Variants in PLCG1 observed in about 807,000 individuals in gnomAD.
PLCG1 encodes the protein phospholipase C gamma 1.
A neutral mutation model predicts 177.8 loss-of-function variants in PLCG1; 71 were observed. The observed-to-expected ratio is 0.40, with a 90% CI of 0.33 to 0.49. The LOEUF is 0.49. Ranked by LOEUF, PLCG1 falls within the 20% of genes least tolerant of loss-of-function variation. The pLI, the probability that PLCG1 is intolerant of heterozygous loss-of-function variation, is 0.72. For missense variants in PLCG1, 1,281 were observed against 1,709.0 expected, an observed-to-expected ratio of 0.75 and a Z score of 4.42; for synonymous variants, 658 against 647.9, an observed-to-expected ratio of 1.02 and a Z score of -0.24.
At position 41,164,692 on chromosome 20, in the gene PLCG1, C is replaced by T. The variant is rs1393710713; in HGVS notation, c.1218-241C>T. 6.6e-6 allele frequency among the ~76,000 whole-genome samples: 1 copy of T among 152,194 alleles called. No individual in the cohort carries two copies. The highest frequency in any genetic ancestry group is 2.4e-5 in the African/African-American group (1 of 41,456). ...GAAACATTTTTCTTGCACTGCTGAG[C>T]AGCCTCCATAATTGGGCCAGCTCGG... On this transcript the variant is annotated intron_variant, in intron 12 of 31. Coordinates refer to ENST00000685551, the MANE Select transcript of PLCG1 (RefSeq NM_002660.3). The surrounding 1 kb of genome is among the most constrained non-coding windows in gnomAD (Gnocchi z 6.4).
Position 41,163,558 on chromosome 20 carries a change from AGAC to A in PLCG1, c.891+81_891+83del. On this transcript the variant is annotated intron_variant, in intron 9 of 31. Coordinates refer to ENST00000685551, the MANE Select transcript of PLCG1 (RefSeq NM_002660.3). This position sits in a 1 kb window ranked among gnomAD's most constrained non-coding sequence, Gnocchi z 5.2. ...GGACCCCACCCGGGCTCCAGGAGCT[AGAC>A]GCTCCTTAGGGATGCCACCTTGTTT... The A allele has an allele frequency of 1.7e-6, 2 of 1,159,024 alleles. No homozygotes were observed. Among genetic ancestry groups the A allele is most frequent in the Non-Finnish European group, 2.6e-6 (2 of 771,188 alleles). 71.8% of individuals were successfully genotyped at this position (1,159,024 alleles called of 1,614,324 possible).
At position 41,172,280 on chromosome 20, in the gene PLCG1, G is replaced by A; in HGVS notation, c.2896G>A (p.Asp966Asn). 1 of 1,613,346 alleles carries A rather than the reference G, an allele frequency of 6.2e-7. No homozygotes were observed. Among genetic ancestry groups the A allele is most frequent in the Non-Finnish European group, 8.5e-7 (1 of 1,179,248 alleles). ...LVVYCRPVPF[D>N]EEKIGTERAC... is the part of the protein sequence containing the mutation. ...CGTCTACTGCCGGCCTGTTCCCTTT[G>A]ATGAAGAGAGTAAGGGCCAGGGCCC... The change falls in exon 25 of 32, where the codon GAT (aspartate) becomes AAT (asparagine). Residue 966 changes from aspartate to asparagine, a missense_variant. Physicochemically the swap from Asp to Asn is conservative, Grantham distance 23. Coordinates refer to ENST00000685551, the MANE Select transcript of PLCG1 (RefSeq NM_002660.3). The surrounding 1 kb of genome is among the most constrained non-coding windows in gnomAD (Gnocchi z 7.0).
At chr20:41,141,027 C>T (rs979992268) in intron 1 of PLCG1, among the ~76,000 whole-genome samples, 1 of 152,178 alleles carries the variant, frequency 6.6e-6, no homozygotes, top group Non-Finnish European at 1.5e-5. Flanking sequence ...GGGCAAAGAC[C>T]ACTTTGGCTT....
Position 41,165,017 on chromosome 20 carries a change from G to C in PLCG1, c.1302G>C (p.Gly434=). The part of the protein sequence containing the change: ...NMAQYFKKVL[G]DTLLTKPVEI... ...CCCAATACTTCAAGAAGGTGCTGGGGGACACACTCCTCACCAAGCCCGTGG... is the reference window on the plus strand; with the variant it reads ...CCCAATACTTCAAGAAGGTGCTGGGCGACACACTCCTCACCAAGCCCGTGG... Residue 434 remains glycine, a synonymous_variant, in exon 13 of 32, where the codon GGG becomes GGC. Transcript: ENST00000685551. This position sits in a 1 kb window ranked among gnomAD's most constrained non-coding sequence, Gnocchi z 6.6. The C allele has an allele frequency of 6.2e-7, 1 of 1,614,160 alleles. No individual in the cohort carries two copies. The highest frequency in any genetic ancestry group is 8.5e-7 in the Non-Finnish European group (1 of 1,180,018).
chr20:41,172,143 C>T lies in PLCG1; in HGVS notation c.2809-50C>T, dbSNP rs757524322. Reference sequence around the variant, plus strand: ...CCAAGGTTGGCAGGGGCTTCCTTCTCCTGGGCAGGGCTGTAGCCTGGGGCT... The same window carrying T: ...CCAAGGTTGGCAGGGGCTTCCTTCTTCTGGGCAGGGCTGTAGCCTGGGGCT... On this transcript the variant is annotated intron_variant, in intron 24 of 31. Transcript: ENST00000685551. This position sits in a 1 kb window ranked among gnomAD's most constrained non-coding sequence, Gnocchi z 7.0. The T allele has an allele frequency of 6.8e-7, 1 of 1,478,514 alleles. No homozygotes were observed. Among genetic ancestry groups the T allele is most frequent in the Non-Finnish European group, 9.5e-7 (1 of 1,056,320 alleles). The allele number at this position is 1,478,514 out of a possible 1,614,324, so 91.6% of individuals were successfully genotyped here.
chr20:41,170,518 T>G, intron 24 of PLCG1: 1 of 477,344 alleles, frequency 2.1e-6, no homozygotes, highest in Non-Finnish European at 3.8e-6. Flanking sequence ...AGTGGGCAAT[T>G]GGATACACAA....
Position 41,146,443 on chromosome 20 carries a change from A to G in PLCG1, c.217+8585A>G, listed in dbSNP as rs2034997657. The stretch of plus-strand genomic sequence containing the variant: ...CTGGCACACAGGTGTTGGGTAAAGC[A>G]TCTGTACAAAGGCTGTGAGGGGCCT... On this transcript the variant is annotated intron_variant, in intron 1 of 31. Coordinates refer to ENST00000685551, the MANE Select transcript of PLCG1 (RefSeq NM_002660.3). This position sits in a 1 kb window ranked among gnomAD's most constrained non-coding sequence, Gnocchi z 6.3. Among the ~76,000 whole-genome samples the G allele has an allele frequency of 6.6e-6, 1 of 152,186 alleles. No individual in the cohort carries two copies. The highest frequency in any genetic ancestry group is 2.4e-5 in the African/African-American group (1 of 41,452).
At chr20:41,162,600 G>GGCCTGACT (rs1385485582) in intron 5 of PLCG1, 42 bp from the exon 6 acceptor site, 2 of 1,608,698 alleles carry the variant, frequency 1.2e-6, no homozygotes, top group Non-Finnish European at 1.7e-6. Context: ...TTCAGCTGGG[G>GGCCTGACT]GCCTGACTGC....
At chr20:41,138,634 G>A (rs1399035181) in intron 1 of PLCG1, among the ~76,000 whole-genome samples, 2 of 152,122 alleles carry the variant, frequency 1.3e-5, no homozygotes, top group Non-Finnish European at 2.9e-5. Flanking sequence ...CCAGCGCCTT[G>A]GAGTCAGGTA....
At position 41,167,749 on chromosome 20, in the gene PLCG1, GT is replaced by G. The variant is rs1476696965; in HGVS notation, c.2302-100del. The G allele has an allele frequency of 2.5e-6, 2 of 809,246 alleles. No homozygotes were observed. The highest frequency in any genetic ancestry group is 3.4e-5 in the African/African-American group (2 of 59,496). 50.1% of individuals were successfully genotyped at this position (809,246 alleles called of 1,614,324 possible). A position where few individuals can be genotyped will look rare whatever the true frequency, so the allele number is the denominator to read the frequency against. On this transcript the variant is annotated intron_variant, in intron 19 of 31. Coordinates refer to ENST00000685551, the MANE Select transcript of PLCG1 (RefSeq NM_002660.3). The surrounding 1 kb of genome is among the most constrained non-coding windows in gnomAD (Gnocchi z 4.4). The stretch of plus-strand genomic sequence containing the variant: ...AAGGATCCCTGTGGATCAGGTGCAA[GT>G]TTGCTGCACTGGGGGAAAGGGAAGC...
rs1322934160 is a variant in PLCG1, at chr20:41,157,705, A to G, written c.218-1901A>G. 6.6e-6 allele frequency among the ~76,000 whole-genome samples: 1 copy of G among 152,180 alleles called. No homozygotes were observed. Among genetic ancestry groups the G allele is most frequent in the Non-Finnish European group, 1.5e-5 (1 of 68,028 alleles). ...AGAGAAGGGAGCCGGGGAGGTGGAC[A>G]TTTCCAGACTAGGAATCAAGATGAA... On this transcript the variant is annotated intron_variant, in intron 1 of 31. Transcript: ENST00000685551. This position sits in a 1 kb window ranked among gnomAD's most constrained non-coding sequence, Gnocchi z 5.4.
chr20:41,163,435 G>A lies in PLCG1; in HGVS notation c.847G>A (p.Asp283Asn), dbSNP rs1178654639. 1 of 1,612,936 alleles carries A rather than the reference G, an allele frequency of 6.2e-7. No individual in the cohort carries two copies. Among genetic ancestry groups the A allele is most frequent in the Admixed American group, 1.7e-5 (1 of 60,012 alleles). Residue 283 changes from aspartate (D) to asparagine (N), a missense_variant, in exon 9 of 32, where the codon GAC becomes AAC. Coordinates refer to ENST00000685551, the MANE Select transcript of PLCG1 (RefSeq NM_002660.3). The surrounding 1 kb of genome is among the most constrained non-coding windows in gnomAD (Gnocchi z 5.2). ...GGAGTTCATGCTCAGCTTCCTCCGA[G>A]ACCCCTTACGAGAGATCGAGGAGCC... The part of the protein sequence containing the change: ...VQEFMLSFLR[D>N]PLREIEEPYF...
In PLCG1 at chr20:41,176,336, G is replaced by A. The variant is rs2036065436; in HGVS notation, c.*1827G>A. 1 of 152,174 alleles carries A rather than the reference G, an allele frequency of 6.6e-6. No individual in the cohort carries two copies. Among genetic ancestry groups the A allele is most frequent in the Non-Finnish European group, 1.5e-5 (1 of 68,050 alleles). The allele number at this position is 152,174 out of a possible 1,614,324, so 9.4% of individuals were successfully genotyped here. Reference sequence around the variant, plus strand: ...TCACAGTCCCAGTTCATAGAGAGGAGGGTGGCTTTTTCCCATACACAAGAA... The same window carrying A: ...TCACAGTCCCAGTTCATAGAGAGGAAGGTGGCTTTTTCCCATACACAAGAA... On this transcript the variant is annotated 3_prime_UTR_variant, in exon 32 of 32. Coordinates refer to ENST00000685551, the MANE Select transcript of PLCG1 (RefSeq NM_002660.3).
In PLCG1 at chr20:41,137,577, G is replaced by A; in HGVS notation, c.-65G>A. ...CTCAGCCTCAGCCCCAACCTCAGCC[G>A]CCGCCGTTGCGCTTGCTCCCGGGCG... On this transcript the variant is annotated 5_prime_UTR_variant, in exon 1 of 32. Coordinates refer to ENST00000685551, the MANE Select transcript of PLCG1 (RefSeq NM_002660.3). This position sits in a 1 kb window ranked among gnomAD's most constrained non-coding sequence, Gnocchi z 7.3. The A allele has an allele frequency of 1.4e-5, 14 of 1,019,040 alleles. No individual in the cohort carries two copies. The highest frequency in any genetic ancestry group is 3.7e-4 in the Middle Eastern group (1 of 2,720). 63.1% of individuals were successfully genotyped at this position (1,019,040 alleles called of 1,614,324 possible).
chr20:41,148,083 TCTG>T lies in PLCG1; in HGVS notation c.217+10229_217+10231del, dbSNP rs997176976. 2.6e-5 allele frequency among the ~76,000 whole-genome samples: 4 copies of T among 152,274 alleles called. No homozygotes were observed. Among genetic ancestry groups the T allele is most frequent in the African/African-American group, 9.6e-5 (4 of 41,558 alleles). On this transcript the variant is annotated intron_variant, in intron 1 of 31. Transcript: ENST00000685551. The surrounding 1 kb of genome is among the most constrained non-coding windows in gnomAD (Gnocchi z 4.3). Reference sequence around the variant, plus strand: ...TCTAAAACAGGAGAGCCTAGTGGGTTCTGCTGAAGCAGGATGTCTCAGCAAGCA... The same window carrying T: ...TCTAAAACAGGAGAGCCTAGTGGGTTCTGAAGCAGGATGTCTCAGCAAGCA...
rs2034941289 is a variant in PLCG1, at chr20:41,144,612, C to T, written c.217+6754C>T. Among the ~76,000 whole-genome samples, 1 of 152,222 alleles carries T rather than the reference C, an allele frequency of 6.6e-6. No individual in the cohort carries two copies. The highest frequency in any genetic ancestry group is 2.4e-5 in the African/African-American group (1 of 41,446). On this transcript the variant is annotated intron_variant, in intron 1 of 31. Transcript: ENST00000685551. This position sits in a 1 kb window ranked among gnomAD's most constrained non-coding sequence, Gnocchi z 4.1. ...GGTGACACTTCCGCCTAAGCTTCTA[C>T]AGAACATGGGAACCTGGGGCTCCAT... is the stretch of plus-strand genomic sequence containing the variant.
At position 41,172,332 on chromosome 20, in the gene PLCG1, G is replaced by T; in HGVS notation, c.2905+43G>T. 1 of 1,580,888 alleles carries T rather than the reference G, an allele frequency of 6.3e-7. No individual in the cohort carries two copies. The highest frequency in any genetic ancestry group is 1.1e-5 in the South Asian group (1 of 90,438). ...GGCGGGGTGTGCATGTGCCTGGAGG[G>T]CCTGGTGGGTGCAAAAAGAGTATTT... On this transcript the variant is annotated intron_variant, in intron 25 of 31. Coordinates refer to ENST00000685551, the MANE Select transcript of PLCG1 (RefSeq NM_002660.3). This position sits in a 1 kb window ranked among gnomAD's most constrained non-coding sequence, Gnocchi z 7.0.
In PLCG1 at chr20:41,173,391, A is replaced by G. The variant is rs199603819; in HGVS notation, c.3280-29A>G. The stretch of plus-strand genomic sequence containing the variant: ...GGAATTGGAGGGAGCAGGAAGGACA[A>G]TCCCAGGCCCTTCTTTGTCTGCCTA... On this transcript the variant is annotated intron_variant, in intron 27 of 31. Transcript: ENST00000685551. This position sits in a 1 kb window ranked among gnomAD's most constrained non-coding sequence, Gnocchi z 6.2. 3.5e-4 allele frequency: 535 copies of G among 1,544,256 alleles called. 4 individuals carry two copies. The highest frequency in any genetic ancestry group is 3.3e-3 in the South Asian group (255 of 78,340).
At chr20:41,162,866 C>T in intron 6 of PLCG1, 92 bp from the exon 7 acceptor site, 1 of 1,359,474 alleles carries the variant, frequency 7.4e-7, no homozygotes, top group Middle Eastern at 1.8e-4. Context: ...TGAGGCCTGC[C>T]CCCATCTGCT....
Sources: gnomAD v4.1 joint callset for allele counts (sites outside exome capture counted in the v4.1 genomes callset) on GRCh38, gnomAD v4.1.1 for gene constraint, Gnocchi (gnomAD v3.1) non-coding constraint, MANE v1.5 for transcripts, NCBI Gene and HGNC (gene_info 2026-07-23, HGNC 2026-07-21) for gene names.